NGFR: variants seen among roughly 807,000 people sequenced by gnomAD.
NGFR encodes tumor necrosis factor receptor superfamily member 16.
A neutral mutation model predicts 43.2 loss-of-function variants in NGFR; 30 were observed. The ratio of observed to expected loss-of-function variants is 0.69; its 90% CI spans 0.52 to 0.94. NGFR has a LOEUF of 0.94. NGFR is among the 40% of genes least tolerant of loss of function. The pLI is 0.00. For synonymous variants in NGFR, 246 were observed against 259.6 expected, an observed-to-expected ratio of 0.95 and a Z score of 0.50; for missense variants, 529 against 602.5, an observed-to-expected ratio of 0.88 and a Z score of 1.28.
At position 49,513,102 on chromosome 17, in the gene NGFR, G is replaced by C. The variant is rs1426055036; in HGVS notation, c.*93G>C. ...GCCCGCACCCCCACCCTTTGGGGGG[G>C]GCCCGCCTGGCAGAACTGAGCTCCT... On this transcript the variant is annotated 3_prime_UTR_variant, in exon 6 of 6. Transcript: ENST00000172229. 3.0e-6 allele frequency: 4 copies of C among 1,341,902 alleles called. No homozygotes were observed. In the African/African-American group the frequency reaches 4.4e-5, roughly 15 times the overall value. The allele number at this position is 1,341,902 out of a possible 1,614,324, so 83.1% of individuals were successfully genotyped here.
In NGFR at chr17:49,502,815, T is replaced by TCTCCCTTCCTTC. The variant is rs2071174568; in HGVS notation, c.208+613_208+614insCCCTTCCTTCCT. Among the ~76,000 whole-genome samples the TCTCCCTTCCTTC allele has an allele frequency of 2.5e-5, 3 of 121,504 alleles. No individual in the cohort carries two copies. In the South Asian group the frequency reaches 1.0e-3, roughly 40 times the overall value. 79.7% of individuals were successfully genotyped at this position (121,504 alleles called of 152,430 possible). On this transcript the variant is annotated intron_variant, in intron 2 of 5. Transcript: ENST00000172229. ...GCTGTGCCCATTCCTGCCTGGGATT[T>TCTCCCTTCCTTC]CTTCCTTCCTTCCTTCCTTCCTTCC...
chr17:49,496,080 GGA>G (rs2071136646), intron 1 of NGFR: 1 of 153,358 alleles, frequency 6.5e-6, no homozygotes, highest in Admixed American at 6.5e-5. Context: ...TTGGGGAGCG[GGA>G]GAGAGGTTGA....
At chr17:49,497,436 A>T (rs923946748) in intron 1 of NGFR, 2 of 152,336 alleles carry the variant, frequency 1.3e-5, no homozygotes, top group African/African-American at 4.8e-5. Flanking sequence ...CAGAGGGGCA[A>T]CGACTTGGGC....
intron 1 of NGFR, 64 bp from the exon 2 acceptor site, chr17:49,501,999 A>AGCGGGCCCCCCCCCC: frequency 3.0e-6 from 1 of 330,984 alleles, no homozygotes; most frequent in Non-Finnish European, 5.9e-6. Flanking sequence ...TCCCCGGAAG[A>AGCGGGCCCCCCCCCC]ACCCCCCCCA....
At chr17:49,510,717 G>A in intron 4 of NGFR, 53 bp downstream of exon 4, 1 of 1,597,110 alleles carries the variant, frequency 6.3e-7, no homozygotes, top group African/African-American at 1.3e-5. Flanking sequence ...CCTCAAGGAA[G>A]ACTTTGCTGT....
intron 2 of NGFR, among the ~76,000 whole-genome samples, chr17:49,504,456 A>C (rs1337109896): frequency 6.6e-6 from 1 of 152,164 alleles, no homozygotes; most frequent in Non-Finnish European, 1.5e-5. Flanking sequence ...CATGGGGCCC[A>C]ATCTTTATAG....
chr17:49,500,290 A>T (rs565480369), intron 1 of NGFR, among the ~76,000 whole-genome samples: 18 of 152,322 alleles, frequency 1.2e-4, no homozygotes, highest in African/African-American at 4.1e-4. Context: ...AATCTCGGCT[A>T]ACCAACAGTC....
Position 49,512,113 on chromosome 17 carries a change from A to G in NGFR, c.982+61A>G. 1.3e-6 allele frequency: 2 copies of G among 1,569,462 alleles called. No individual in the cohort carries two copies. The highest frequency in any genetic ancestry group is 3.7e-5 in the Admixed American group (2 of 54,782). Reference sequence around the variant, plus strand: ...TGAGGCTGAGGAAACAGAAGCAATTAAGATTAGACTCCAGGAAGGACTGTC... The same window carrying G: ...TGAGGCTGAGGAAACAGAAGCAATTGAGATTAGACTCCAGGAAGGACTGTC... On this transcript the variant is annotated intron_variant, in intron 5 of 5. Transcript: ENST00000172229. The surrounding 1 kb of genome is among the most constrained non-coding windows in gnomAD (Gnocchi z 5.2).
chr17:49,512,146 C>T lies in NGFR; in HGVS notation c.982+94C>T, dbSNP rs566327393. ...ACTCCAGGAAGGACTGTCGGGGGGG[C>T]GGCAGGGCTGGCTCAGCGGTGCCCC... On this transcript the variant is annotated intron_variant, in intron 5 of 5. Transcript: ENST00000172229. The surrounding 1 kb of genome is among the most constrained non-coding windows in gnomAD (Gnocchi z 5.2). 6.0e-4 allele frequency: 871 copies of T among 1,454,554 alleles called. 1 individual carries two copies. Among genetic ancestry groups the T allele is most frequent in the Non-Finnish European group, 7.3e-4 (793 of 1,087,642 alleles). The allele number at this position is 1,454,554 out of a possible 1,614,324, so 90.1% of individuals were successfully genotyped here. A position where few individuals can be genotyped will look rare whatever the true frequency, so the allele number is the denominator to read the frequency against.
chr17:49,501,999 A>ATGGCCCCCCCCCCC, intron 1 of NGFR, 64 bp from the exon 2 acceptor site: 9 of 330,978 alleles, frequency 2.7e-5, no homozygotes, highest in Non-Finnish European at 4.7e-5. Flanking sequence ...TCCCCGGAAG[A>ATGGCCCCCCCCCCC]ACCCCCCCCA....
chr17:49,512,880 CCTGCTTGCAAG>C lies in NGFR; in HGVS notation c.1159_1169del (p.Leu387GlyfsTer30). 3 of 1,613,200 alleles carry C rather than the reference CCTGCTTGCAAG, an allele frequency of 1.9e-6. No individual in the cohort carries two copies. The highest frequency in any genetic ancestry group is 1.7e-6 in the Non-Finnish European group (2 of 1,179,856). Reference sequence around the variant, plus strand: ...CCCATGAGGCCTGCCCCGTTCGCGCCCTGCTTGCAAGCTGGGCCACCCAGGACAGCGCCACA... The same window carrying C: ...CCCATGAGGCCTGCCCCGTTCGCGCCCTGGGCCACCCAGGACAGCGCCACA... On this transcript the variant is annotated frameshift_variant, in exon 6 of 6. Transcript: ENST00000172229. LOFTEE classifies it high-confidence loss of function. This position sits in a 1 kb window ranked among gnomAD's most constrained non-coding sequence, Gnocchi z 5.2.
chr17:49,512,000 C>A lies in NGFR; in HGVS notation c.930C>A (p.Asp310Glu). The stretch of plus-strand genomic sequence containing the variant: ...ACAGCGACAGTGGCATCTCCGTGGA[C>A]AGCCAGAGCCTGCATGACCAGCAGC... ...KLHSDSGISV[D>E]SQSLHDQQPH... The change falls in exon 5 of 6, where the codon GAC (aspartate) becomes GAA (glutamate). Residue 310 changes from aspartate to glutamate, a missense_variant. Asp to Glu is a conservative substitution (Grantham distance 45). Coordinates refer to ENST00000172229, the MANE Select transcript of NGFR (RefSeq NM_002507.4). 2 of 1,613,882 alleles carry A rather than the reference C, an allele frequency of 1.2e-6. No individual in the cohort carries two copies.
At position 49,513,166 on chromosome 17, in the gene NGFR, C is replaced by A; in HGVS notation, c.*157C>A. The A allele has an allele frequency of 1.4e-6, 1 of 738,900 alleles. No homozygotes were observed. The highest frequency in any genetic ancestry group is 2.1e-6 in the Non-Finnish European group (1 of 468,566). 45.8% of individuals were successfully genotyped at this position (738,900 alleles called of 1,614,324 possible). ...CAGAGTCCAGGCCCCAAAACCACAG[C>A]CCTGTCAGTGCAGCCCGTGTGGCCC... On this transcript the variant is annotated 3_prime_UTR_variant, in exon 6 of 6. Transcript: ENST00000172229.
Position 49,512,528 on chromosome 17 carries a change from GACA to G in NGFR, c.983-177_983-175del, listed in dbSNP as rs562539991. ...TTGGGCTGGAGTGACAGGAGGAAGG[GACA>G]ACGAGTCCCCCCAGGTGCCTTCACT... On this transcript the variant is annotated intron_variant, in intron 5 of 5. Transcript: ENST00000172229. This position sits in a 1 kb window ranked among gnomAD's most constrained non-coding sequence, Gnocchi z 5.2. Among the ~76,000 whole-genome samples the G allele has an allele frequency of 2.1e-4, 32 of 152,276 alleles. No homozygotes were observed. In the East Asian group the frequency reaches 3.1e-3, roughly 15 times the overall value.
chr17:49,500,982 C>A (rs11466128), intron 1 of NGFR, among the ~76,000 whole-genome samples: 1,669 of 152,326 alleles, frequency 0.011, 35 homozygotes, highest in African/African-American at 0.038. Flanking sequence ...TCTGGTCCCA[C>A]GACCCCAAAG....
chr17:49,499,230 A>G (rs1256153802), intron 1 of NGFR, among the ~76,000 whole-genome samples: 1 of 152,182 alleles, frequency 6.6e-6, no homozygotes, highest in Non-Finnish European at 1.5e-5. Context: ...CAGGGAGAAC[A>G]GGTTTCTTGG....
Position 49,513,183 on chromosome 17 carries a change from G to A in NGFR, c.*174G>A, listed in dbSNP as rs1389127193. ...AACCACAGCCCTGTCAGTGCAGCCC[G>A]TGTGGCCCCTTCACTTCTGACCACA... On this transcript the variant is annotated 3_prime_UTR_variant, in exon 6 of 6. Coordinates refer to ENST00000172229, the MANE Select transcript of NGFR (RefSeq NM_002507.4). 8 of 657,106 alleles carry A rather than the reference G, an allele frequency of 1.2e-5. No individual in the cohort carries two copies. Among genetic ancestry groups the A allele is most frequent in the African/African-American group, 3.7e-5 (2 of 54,622 alleles). 40.7% of individuals were successfully genotyped at this position (657,106 alleles called of 1,614,324 possible).
Position 49,495,539 on chromosome 17 carries a change from G to A in NGFR, c.66+56G>A. 1 of 1,204,432 alleles carries A rather than the reference G, an allele frequency of 8.3e-7. No individual in the cohort carries two copies. The highest frequency in any genetic ancestry group is 1.0e-6 in the Non-Finnish European group (1 of 960,482). The allele number at this position is 1,204,432 out of a possible 1,614,324, so 74.6% of individuals were successfully genotyped here. A position where few individuals can be genotyped will look rare whatever the true frequency, so the allele number is the denominator to read the frequency against. ...TTTCCCGGGATCAGAACTCCGAGAA[G>A]AGCCGGGCGCCGCCACCAAGGAAAC... On this transcript the variant is annotated intron_variant, in intron 1 of 5. Transcript: ENST00000172229. This position sits in a 1 kb window ranked among gnomAD's most constrained non-coding sequence, Gnocchi z 6.4.
Position 49,502,175 on chromosome 17 carries a change from A to G in NGFR, c.179A>G (p.Asn60Ser), listed in dbSNP as rs1369639328. 3 of 1,610,696 alleles carry G rather than the reference A, an allele frequency of 1.9e-6. No individual in the cohort carries two copies. The highest frequency in any genetic ancestry group is 1.3e-5 in the African/African-American group (1 of 74,886). Residue 60 changes from asparagine (N) to serine (S), a missense_variant, in exon 2 of 6, where the codon AAC becomes AGC. By Grantham distance (46) the Asn-to-Ser change is conservative (BLOSUM62 1). Transcript: ENST00000172229. ...GEGVAQPCGANQTVCEPCLDS... is the reference protein window; with the variant it reads ...GEGVAQPCGASQTVCEPCLDS... ...GGTGTGGCCCAGCCTTGTGGAGCCAACCAGACCGTGTGTGAGCCCTGCCTG... is the reference window on the plus strand; with the variant it reads ...GGTGTGGCCCAGCCTTGTGGAGCCAGCCAGACCGTGTGTGAGCCCTGCCTG...
Sources: allele counts gnomAD v4.1 joint callset (sites outside exome capture counted in the v4.1 genomes callset), GRCh38; gene constraint gnomAD v4.1.1; non-coding constraint Gnocchi (gnomAD v3.1); transcripts MANE v1.5; gene names NCBI Gene and HGNC (gene_info 2026-07-23, HGNC 2026-07-21).